Variants in USP38 observed in about 807,000 individuals in gnomAD.
The protein encoded by USP38 is ubiquitin specific peptidase 38.
USP38 carries 49 observed loss-of-function variants against 94.3 expected under a neutral mutation model. That is an observed-to-expected ratio of 0.52 (90% CI 0.41 to 0.66). USP38 has a LOEUF of 0.66. Among genes scored for constraint, USP38 ranks in the 30% least tolerant of loss-of-function variants. The pLI is 0.00. For missense variants in USP38, 1,128 were observed against 1,229.4 expected (o/e 0.92, Z 1.23); for synonymous variants, 468 against 463.6 (o/e 1.01, Z -0.12).
rs147606775 is a variant in USP38 at position 143,202,711 on chromosome 4, T to A, written c.1051-697T>A. ...CTGATGATCAATATTAACAATATTC[T>A]ATATGTTTATGAGCAATGATCATTT... On this transcript the variant is annotated intron_variant, in intron 4 of 9. Coordinates refer to ENST00000307017, the MANE Select transcript of USP38 (RefSeq NM_032557.6). 2.1e-3 allele frequency among the ~76,000 whole-genome samples: 316 copies of A among 152,238 alleles called. 1 individual carries two copies. The highest frequency in any genetic ancestry group is 7.1e-3 in the African/African-American group (295 of 41,562).
intron 7 of USP38, among the ~76,000 whole-genome samples, chr4:143,210,404 T>C (rs1731991434): frequency 6.6e-6 from 1 of 152,016 alleles, no homozygotes; most frequent in Non-Finnish European, 1.5e-5. Flanking sequence ...CTGGCCAACA[T>C]TGTGAAACCC....
intron 9 of USP38, among the ~76,000 whole-genome samples, chr4:143,220,053 T>A (rs1227198824): frequency 2.0e-5 from 3 of 152,176 alleles, no homozygotes; most frequent in Non-Finnish European, 4.4e-5. Flanking sequence ...ATTGTGATAA[T>A]CTTTGAATTC....
intron 2 of USP38, among the ~76,000 whole-genome samples, chr4:143,189,448 A>C (rs1167625197): frequency 6.6e-6 from 1 of 151,970 alleles, no homozygotes; most frequent in Non-Finnish European, 1.5e-5. Flanking sequence ...CCCTGTTATA[A>C]AATTATAAGG....
intron 2 of USP38, among the ~76,000 whole-genome samples, chr4:143,194,577 G>A (rs540006211): frequency 2.3e-3 from 353 of 151,924 alleles, no homozygotes; most frequent in African/African-American, 7.3e-3. Context: ...GCGTGATCTC[G>A]GCTCACTGCA....
chr4:143,197,854 G>C lies in USP38; in HGVS notation c.980G>C (p.Arg327Thr). 1.2e-6 allele frequency: 2 copies of C among 1,613,842 alleles called. No homozygotes were observed. Among genetic ancestry groups the C allele is most frequent in the Non-Finnish European group, 1.7e-6 (2 of 1,179,858 alleles). The change falls in exon 4 of 10, where the codon AGA becomes ACA. Residue 327 changes from arginine to threonine, a missense_variant. By Grantham distance (71) the Arg-to-Thr change is moderately conservative. Transcript: ENST00000307017. ...AATCGACTTTGGTTTCCTCTTGTGAGACCTGGTGCTCTTGCAGTTCTTTCT... is the reference window on the plus strand; with the variant it reads ...AATCGACTTTGGTTTCCTCTTGTGACACCTGGTGCTCTTGCAGTTCTTTCT... Reference protein sequence around the residue: ...VFNRLWFPLVRPGALAVLSHM... With the variant: ...VFNRLWFPLVTPGALAVLSHM...
intron 5 of USP38, among the ~76,000 whole-genome samples, chr4:143,203,882 A>C (rs955880781): frequency 2.0e-5 from 3 of 152,204 alleles, no homozygotes; most frequent in Non-Finnish European, 4.4e-5. Flanking sequence ...TTTGCACCCC[A>C]ATATTAGAAG....
rs752750804 is a variant in USP38 at position 143,214,402 on chromosome 4, T to C, written c.2426T>C (p.Val809Ala). The C allele has an allele frequency of 2.6e-5, 42 of 1,613,706 alleles. No homozygotes were observed. The highest frequency in any genetic ancestry group is 3.3e-5 in the Non-Finnish European group (39 of 1,179,840). ...SFSSLSESWS[V>A]DVDFTDLSEN... is the part of the protein sequence containing the mutation. ...TCTTCATTGTCAGAAAGTTGGTCTGTAGATGTTGACTTCACTGATCTTAGT... is the reference window on the plus strand; with the variant it reads ...TCTTCATTGTCAGAAAGTTGGTCTGCAGATGTTGACTTCACTGATCTTAGT... The change falls in exon 9 of 10, where the codon GTA becomes GCA. Residue 809 changes from valine (V) to alanine (A), a missense_variant. Val to Ala is a moderately conservative substitution (Grantham distance 64). Transcript: ENST00000307017.
chr4:143,198,945 T>G (rs1731630619), intron 4 of USP38, among the ~76,000 whole-genome samples: 1 of 152,164 alleles, frequency 6.6e-6, no homozygotes, highest in African/African-American at 2.4e-5. Flanking sequence ...TCAGGCACAA[T>G]CATGTGTAAG....
chr4:143,215,048 G>A lies in USP38; in HGVS notation c.2967+105G>A, dbSNP rs1732147967. ...CTAACATGAGTTTTTATTAAATTCT[G>A]AAATATAGGTCTGGATTTACATGAA... On this transcript the variant is annotated intron_variant, in intron 9 of 9. Coordinates refer to ENST00000307017, the MANE Select transcript of USP38 (RefSeq NM_032557.6). 2.7e-6 allele frequency: 3 copies of A among 1,112,878 alleles called. No homozygotes were observed. The Admixed American group carries it at 8.2e-5, about 31-fold the overall frequency. The allele number at this position is 1,112,878 out of a possible 1,614,324, so 68.9% of individuals were successfully genotyped here.
intron 6 of USP38, among the ~76,000 whole-genome samples, chr4:143,209,271 G>A (rs774218209): frequency 8.5e-5 from 13 of 152,060 alleles, no homozygotes; most frequent in Non-Finnish European, 1.5e-4. Flanking sequence ...CTTAGGAAAA[G>A]GACCATTAGG....
chr4:143,208,272 A>G (rs943257678), intron 6 of USP38, among the ~76,000 whole-genome samples: 2 of 152,098 alleles, frequency 1.3e-5, no homozygotes, highest in African/African-American at 2.4e-5. Flanking sequence ...TTAGTATTTA[A>G]TAAATACTTC....
intron 2 of USP38, among the ~76,000 whole-genome samples, chr4:143,191,731 C>G (rs998836309): frequency 3.9e-5 from 6 of 152,166 alleles, no homozygotes; most frequent in African/African-American, 1.4e-4. Flanking sequence ...GATTACTGCT[C>G]TCAAGCTCAC....
chr4:143,220,597 T>G lies in USP38; in HGVS notation c.*141T>G, dbSNP rs1732300038. On this transcript the variant is annotated 3_prime_UTR_variant, in exon 10 of 10. Coordinates refer to ENST00000307017, the MANE Select transcript of USP38 (RefSeq NM_032557.6). ...AGAACACACTCAGTGCTTGTTTTTA[T>G]TTTCTTGACACATTTATTAACAAAA... The G allele has an allele frequency of 1.2e-6, 1 of 835,266 alleles. No individual in the cohort carries two copies. The highest frequency in any genetic ancestry group is 3.4e-5 in the East Asian group (1 of 29,604). 51.7% of individuals were successfully genotyped at this position (835,266 alleles called of 1,614,324 possible).
chr4:143,222,750 A>C lies in USP38; in HGVS notation c.*2294A>C, dbSNP rs1732355533. On this transcript the variant is annotated 3_prime_UTR_variant, in exon 10 of 10. Transcript: ENST00000307017. ...ACCAGAATAATCAGAAACTTCATTC[A>C]AAACCTATGCATCTGAACTTTTTTA... 1 of 152,146 alleles carries C rather than the reference A, an allele frequency of 6.6e-6. No homozygotes were observed. The highest frequency in any genetic ancestry group is 2.1e-4 in the South Asian group (1 of 4,834). The allele number at this position is 152,146 out of a possible 1,614,324, so 9.4% of individuals were successfully genotyped here.
At position 143,223,093 on chromosome 4, in the gene USP38, A is replaced by G. The variant is rs572363890; in HGVS notation, c.*2637A>G. ...ATAATTAAAGTAAAAAATTGTTTAG[A>G]GATATGCAAAGAAGGAAATATATAT... On this transcript the variant is annotated 3_prime_UTR_variant, in exon 10 of 10. Coordinates refer to ENST00000307017, the MANE Select transcript of USP38 (RefSeq NM_032557.6). The G allele has an allele frequency of 2.5e-4, 38 of 152,294 alleles. No individual in the cohort carries two copies. Among genetic ancestry groups the G allele is most frequent in the Admixed American group, 1.4e-3 (22 of 15,292 alleles). The allele number at this position is 152,294 out of a possible 1,614,324, so 9.4% of individuals were successfully genotyped here.
rs1731248232 is a variant in USP38 at position 143,187,087 on chromosome 4, G to T, written c.683-739G>T. Among the ~76,000 whole-genome samples the T allele has an allele frequency of 3.3e-5, 5 of 150,520 alleles. No individual in the cohort carries two copies. The South Asian group carries it at 1.0e-3, about 32-fold the overall frequency. On this transcript the variant is annotated intron_variant, in intron 1 of 9. Coordinates refer to ENST00000307017, the MANE Select transcript of USP38 (RefSeq NM_032557.6). ...GTATTTGCAGTATCTGAGTTGGTTTGTTTTTTTTTCTTATTGTAATTTTAC... is the reference window on the plus strand; with the variant it reads ...GTATTTGCAGTATCTGAGTTGGTTTTTTTTTTTTTCTTATTGTAATTTTAC...
intron 7 of USP38, among the ~76,000 whole-genome samples, chr4:143,211,750 C>T (rs1225457670): frequency 6.6e-6 from 1 of 152,112 alleles, no homozygotes; most frequent in East Asian, 1.9e-4. Flanking sequence ...AAAGTTTAAT[C>T]ACTAAGCAGC....
intron 4 of USP38, among the ~76,000 whole-genome samples, chr4:143,198,529 T>A (rs13131510): frequency 0.095 from 14,446 of 152,206 alleles, 851 homozygotes; most frequent in African/African-American, 0.16. Flanking sequence ...CAAAGACTAA[T>A]CCTGTTTTAT....
intron 5 of USP38, 103 bp from the exon 6 acceptor site, chr4:143,205,930 T>G (rs1427214669): frequency 8.1e-6 from 7 of 860,316 alleles, no homozygotes; most frequent in Non-Finnish European, 1.1e-5. Context: ...AAAAGAAAGT[T>G]CAAATGTCGG....
Sources: gnomAD v4.1 joint callset for allele counts (sites outside exome capture counted in the v4.1 genomes callset) on GRCh38, gnomAD v4.1.1 for gene constraint, MANE v1.5 for transcripts, NCBI Gene and HGNC (gene_info 2026-07-23, HGNC 2026-07-21) for gene names.